The following PCDHGA1 variants were observed in gnomAD, a reference collection of about 807,000 sequenced individuals.
PCDHGA1 encodes the protein protocadherin gamma subfamily A, 1.
Under a neutral mutation model 58.0 loss-of-function variants are expected in PCDHGA1, and 32 were observed. The observed-to-expected ratio is 0.55, with a 90% confidence interval of 0.42 to 0.74. The LOEUF (loss-of-function observed/expected upper bound fraction) is 0.74. Among genes scored for constraint, PCDHGA1 ranks in the 30% least tolerant of loss-of-function variants. The pLI is 0.00. For synonymous variants in PCDHGA1, 498 were observed against 501.1 expected (o/e 0.99, Z 0.08); for missense variants, 1,205 against 1,182.3 (o/e 1.02, Z -0.28).
chr5:141,340,414 CA>C, intron 1 of PCDHGA1: 1 of 1,614,204 alleles, frequency 6.2e-7, no homozygotes, highest in Non-Finnish European at 8.5e-7. Context: ...ACCCCGACAG[CA>C]ACGACAATGC....
At chr5:141,463,296 C>T (rs1194250577) in intron 1 of PCDHGA1, among the ~76,000 whole-genome samples, 1 of 151,986 alleles carries the variant, frequency 6.6e-6, no homozygotes, top group African/African-American at 2.4e-5. Flanking sequence ...CTCCTAATCT[C>T]CCCAAACTCT....
At chr5:141,357,048 A>G (rs754579406) in intron 1 of PCDHGA1, 6 of 1,613,890 alleles carry the variant, frequency 3.7e-6, no homozygotes, top group East Asian at 2.2e-5. Flanking sequence ...AGCCGGGACT[A>G]TTTGCAGTGG....
chr5:141,390,354 A>C (rs1031121162), intron 1 of PCDHGA1: 21 of 1,553,066 alleles, frequency 1.4e-5, no homozygotes, highest in Non-Finnish European at 1.6e-5. Context: ...AAATATACAT[A>C]TTTGCAGGAA....
intron 1 of PCDHGA1, among the ~76,000 whole-genome samples, chr5:141,461,233 G>T (rs2099011336): frequency 6.6e-6 from 1 of 152,028 alleles, no homozygotes; most frequent in East Asian, 1.9e-4. Context: ...CATAGAGGTT[G>T]TACTAATTTA....
intron 1 of PCDHGA1, among the ~76,000 whole-genome samples, chr5:141,435,715 A>T (rs528951395): frequency 5.9e-5 from 9 of 152,210 alleles, no homozygotes; most frequent in Non-Finnish European, 1.0e-4. Context: ...ACAGACACTG[A>T]ATGCTAAAGT....
Position 141,511,256 on chromosome 5 carries a change from TTCAGGGC to T in PCDHGA1, c.*85_*91del. 6.4e-7 allele frequency: 1 copy of T among 1,563,506 alleles called. No individual in the cohort carries two copies. Among genetic ancestry groups the T allele is most frequent in the Non-Finnish European group, 8.7e-7 (1 of 1,154,422 alleles). The stretch of plus-strand genomic sequence containing the variant: ...CTTACCTGCACCCAGGCCTCAGAGT[TTCAGGGC>T]TAACCCCCAGAATACTGGTAGGGGC... On this transcript the variant is annotated 3_prime_UTR_variant, in exon 4 of 4. Coordinates refer to ENST00000517417, the MANE Select transcript of PCDHGA1 (RefSeq NM_018912.3).
At chr5:141,405,907 T>C (rs1471568204) in intron 1 of PCDHGA1, among the ~76,000 whole-genome samples, 2 of 152,218 alleles carry the variant, frequency 1.3e-5, no homozygotes, top group Non-Finnish European at 2.9e-5. Context: ...AGGAGGCATT[T>C]ATTAGTTATA....
intron 1 of PCDHGA1, chr5:141,356,795 T>G: frequency 1.2e-6 from 2 of 1,613,984 alleles, no homozygotes; most frequent in Non-Finnish European, 1.7e-6. Flanking sequence ...CAGCTGCTGA[T>G]GACAGCCAGT....
At chr5:141,347,182 G>A (rs1490155209) in intron 1 of PCDHGA1, among the ~76,000 whole-genome samples, 2 of 26,144 alleles carry the variant, frequency 7.6e-5, no homozygotes, top group East Asian at 1.1e-3. Flanking sequence ...TTTCTTTCTT[G>A]ACAGGGTCTT....
At position 141,343,385 on chromosome 5, in the gene PCDHGA1, A is replaced by G. The variant is rs540263995; in HGVS notation, c.2421+10280A>G. 3 of 981,946 alleles carry G rather than the reference A, an allele frequency of 3.1e-6. No homozygotes were observed. In the African/African-American group the frequency reaches 5.2e-5, roughly 17 times the overall value. 60.8% of individuals were successfully genotyped at this position (981,946 alleles called of 1,614,324 possible). A position where few individuals can be genotyped will look rare whatever the true frequency, so the allele number is the denominator to read the frequency against. ...GAGTATAGAGAGGGAAAGGTCAAAG[A>G]GGAGGTGGATATCTTATCAAATAAC... On this transcript the variant is annotated intron_variant, in intron 1 of 3. Coordinates refer to ENST00000517417, the MANE Select transcript of PCDHGA1 (RefSeq NM_018912.3).
intron 1 of PCDHGA1, chr5:141,361,239 G>T: frequency 6.2e-7 from 1 of 1,613,958 alleles, no homozygotes; most frequent in Non-Finnish European, 8.5e-7. Context: ...TGATCGCCTT[G>T]ATAAAAACGA....
At chr5:141,355,439 G>A (rs758590718) in intron 1 of PCDHGA1, 48 of 1,613,990 alleles carry the variant, frequency 3.0e-5, no homozygotes, top group Non-Finnish European at 3.9e-5. Flanking sequence ...CTGAACCCGC[G>A]CAGCGGCACC....
intron 1 of PCDHGA1, among the ~76,000 whole-genome samples, chr5:141,358,807 T>C (rs1761028443): frequency 6.6e-6 from 1 of 152,244 alleles, no homozygotes; most frequent in African/African-American, 2.4e-5. Flanking sequence ...CTGATATGAT[T>C]TACGCTGCTT....
intron 1 of PCDHGA1, chr5:141,338,888 G>T (rs992731708): frequency 8.2e-6 from 12 of 1,469,614 alleles, no homozygotes; most frequent in Non-Finnish European, 9.9e-6. Context: ...GTGAATGCTG[G>T]TTATCTCACA....
In PCDHGA1 at chr5:141,370,388, G is replaced by A. The variant is rs10052885; in HGVS notation, c.2421+37283G>A. 6.8e-4 allele frequency: 1,046 copies of A among 1,542,246 alleles called. 12 individuals carry two copies. In the African/African-American group the frequency reaches 0.013, roughly 19 times the overall value. Reference sequence around the variant, plus strand: ...GGATTTAGAAAGGCAAAGGCGCAGAGAGCGGGATGGGAAATAGCTCCGGAT... The same window carrying A: ...GGATTTAGAAAGGCAAAGGCGCAGAAAGCGGGATGGGAAATAGCTCCGGAT... On this transcript the variant is annotated intron_variant, in intron 1 of 3. Coordinates refer to ENST00000517417, the MANE Select transcript of PCDHGA1 (RefSeq NM_018912.3).
At chr5:141,337,245 C>T (rs919059874) in intron 1 of PCDHGA1, among the ~76,000 whole-genome samples, 3 of 152,116 alleles carry the variant, frequency 2.0e-5, no homozygotes, top group Non-Finnish European at 2.9e-5. Context: ...ATAGAATTAC[C>T]ATATAATCCA....
intron 1 of PCDHGA1, chr5:141,421,221 G>A (rs746753262): frequency 6.3e-7 from 1 of 1,576,508 alleles, no homozygotes; most frequent in Non-Finnish European, 8.6e-7. Context: ...TCGGCTTAGA[G>A]CCTGCCATGG....
intron 1 of PCDHGA1, chr5:141,400,747 G>T (rs2094069778): frequency 5.0e-6 from 3 of 602,662 alleles, no homozygotes; most frequent in African/African-American, 1.9e-5. Context: ...TTTGCTCTTA[G>T]CTTCCTCTCT....
At chr5:141,371,133 T>C (rs772495360) in intron 1 of PCDHGA1, 1 of 1,614,000 alleles carries the variant, frequency 6.2e-7, no homozygotes, top group Non-Finnish European at 8.5e-7. Flanking sequence ...TCAGGACATG[T>C]ACAGGGTCAA....
Sources: allele counts gnomAD v4.1 joint callset (sites outside exome capture counted in the v4.1 genomes callset), GRCh38; gene constraint gnomAD v4.1.1; transcripts MANE v1.5; gene names NCBI Gene and HGNC (gene_info 2026-07-23, HGNC 2026-07-21).